The following FHOD3 variants were observed in gnomAD, a reference collection of about 807,000 sequenced individuals.
The protein encoded by FHOD3 is formin homology 2 domain containing 3.
A neutral mutation model predicts 173.0 loss-of-function variants in FHOD3; 90 were observed. The ratio of observed to expected loss-of-function variants is 0.52; its 90% CI spans 0.44 to 0.62. The LOEUF is 0.62. Ranked by LOEUF, FHOD3 falls within the 20% of genes least tolerant of loss-of-function variation. The pLI is 0.00. For synonymous variants in FHOD3, 828 were observed against 823.0 expected, an observed-to-expected ratio of 1.01 and a Z score of -0.10; for missense variants, 1,945 against 2,034.7, an observed-to-expected ratio of 0.96 and a Z score of 0.85.
chr18:36,605,336 A>G (rs1051190807), intron 8 of FHOD3, among the ~76,000 whole-genome samples: 1 of 152,148 alleles, frequency 6.6e-6, no homozygotes, highest in Non-Finnish European at 1.5e-5. Context: ...AGCAGTACCC[A>G]CACAATGTGG....
chr18:36,744,097 G>A lies in FHOD3; in HGVS notation c.3945G>A (p.Gln1315=), dbSNP rs370927305. The A allele has an allele frequency of 1.1e-5, 17 of 1,614,116 alleles. No individual in the cohort carries two copies. The highest frequency in any genetic ancestry group is 5.0e-5 in the Admixed American group (3 of 60,012). Residue 1315 remains glutamine, a synonymous_variant, in exon 23 of 29, where the codon CAG becomes CAA. Transcript: ENST00000590592. ...AAGTCAAAGACACAGTGCACAAGCA[G>A]TCGCTTCTCCACCATGTGTGCACCA... ...VPEVKDTVHK[Q]SLLHHVCTMV...
At chr18:36,503,269 G>A (rs914867476) in intron 4 of FHOD3, among the ~76,000 whole-genome samples, 2 of 152,130 alleles carry the variant, frequency 1.3e-5, no homozygotes, top group African/African-American at 4.8e-5. Flanking sequence ...GTCTGTCTAG[G>A]TTCATTATTT....
At chr18:36,700,958 C>G (rs973920623) in intron 17 of FHOD3, among the ~76,000 whole-genome samples, 2 of 152,228 alleles carry the variant, frequency 1.3e-5, no homozygotes, top group African/African-American at 4.8e-5. Context: ...TCTTGTGTTT[C>G]CCTTGCATCT....
chr18:36,680,740 T>A (rs905845274), intron 14 of FHOD3, among the ~76,000 whole-genome samples: 1 of 152,246 alleles, frequency 6.6e-6, no homozygotes, highest in Non-Finnish European at 1.5e-5. Context: ...CTTCTTGACA[T>A]AGAATGTCAT....
intron 1 of FHOD3, among the ~76,000 whole-genome samples, chr18:36,304,416 A>G (rs949206021): frequency 1.3e-5 from 2 of 152,204 alleles, no homozygotes; most frequent in African/African-American, 4.8e-5. Context: ...ACTTGTGCAT[A>G]TACTGAAATA....
chr18:36,474,599 A>G (rs1248543243), intron 3 of FHOD3, among the ~76,000 whole-genome samples: 1 of 152,158 alleles, frequency 6.6e-6, no homozygotes, highest in Non-Finnish European at 1.5e-5. Context: ...GAAACTGGAA[A>G]GGTCCATATT....
At chr18:36,614,177 C>G (rs184136241) in intron 9 of FHOD3, among the ~76,000 whole-genome samples, 267 of 152,326 alleles carry the variant, frequency 1.8e-3, no homozygotes, top group African/African-American at 6.0e-3. Context: ...TTCCCTGTCC[C>G]CCATGGCCCC....
intron 5 of FHOD3, among the ~76,000 whole-genome samples, chr18:36,571,489 TTTG>T (rs901104827): frequency 4.6e-5 from 7 of 152,214 alleles, no homozygotes; most frequent in African/African-American, 1.4e-4. Flanking sequence ...CCAGAAAGAT[TTTG>T]TTGTTGTTGT....
chr18:36,754,801 G>A (rs1360321896), intron 24 of FHOD3, among the ~76,000 whole-genome samples: 12 of 151,430 alleles, frequency 7.9e-5, no homozygotes, highest in Admixed American at 7.9e-4. Flanking sequence ...TTAAAACACA[G>A]ATACGCAAAG....
intron 10 of FHOD3, among the ~76,000 whole-genome samples, chr18:36,639,413 CTG>C (rs1168545519): frequency 2.0e-5 from 3 of 152,148 alleles, no homozygotes; most frequent in African/African-American, 7.2e-5. Context: ...TGGCTCACCT[CTG>C]TAATCCCAGC....
chr18:36,692,195 T>C (rs561365885), intron 16 of FHOD3, among the ~76,000 whole-genome samples: 2 of 152,200 alleles, frequency 1.3e-5, no homozygotes, highest in Non-Finnish European at 2.9e-5. Flanking sequence ...TTTAAATGCA[T>C]TGTTTTAAAA....
In FHOD3 at chr18:36,681,603, T is replaced by C. The variant is rs779434946; in HGVS notation, c.1970+33T>C. 22 of 1,538,676 alleles carry C rather than the reference T, an allele frequency of 1.4e-5. No individual in the cohort carries two copies. The African/African-American group carries it at 3.6e-4, about 25-fold the overall frequency. The stretch of plus-strand genomic sequence containing the variant: ...GGATCTTAAGATTTTTTTTAAATAG[T>C]GAGTTAAAAATTAAAGGCATGTGAC... On this transcript the variant is annotated intron_variant, in intron 15 of 28. Coordinates refer to ENST00000590592, the MANE Select transcript of FHOD3 (RefSeq NM_001281740.3).
chr18:36,510,338 TC>T (rs1256749865), intron 4 of FHOD3, among the ~76,000 whole-genome samples: 2 of 152,236 alleles, frequency 1.3e-5, no homozygotes, highest in Non-Finnish European at 2.9e-5. Context: ...ATGTGTAAAA[TC>T]TAGCACATTG....
intron 3 of FHOD3, among the ~76,000 whole-genome samples, chr18:36,495,549 C>G (rs1281030055): frequency 6.6e-6 from 1 of 152,216 alleles, no homozygotes; most frequent in Non-Finnish European, 1.5e-5. Flanking sequence ...TCTACAGCCC[C>G]CTTCTGCACC....
chr18:36,737,933 C>T (rs2041720339), intron 20 of FHOD3, among the ~76,000 whole-genome samples: 1 of 152,198 alleles, frequency 6.6e-6, no homozygotes. Flanking sequence ...ATGACCACTG[C>T]AGTCAGGATT....
At chr18:36,515,688 C>G (rs879466328) in intron 5 of FHOD3, among the ~76,000 whole-genome samples, 5 of 152,182 alleles carry the variant, frequency 3.3e-5, no homozygotes, top group Non-Finnish European at 5.9e-5. Flanking sequence ...GAAGGTGAGG[C>G]CCTAGCTGCA....
intron 1 of FHOD3, among the ~76,000 whole-genome samples, chr18:36,353,021 A>G (rs573908087): frequency 1.3e-5 from 2 of 151,780 alleles, no homozygotes; most frequent in South Asian, 4.2e-4. Flanking sequence ...TTCTGCAGGA[A>G]CTCTTCCTGC....
At chr18:36,625,487 A>G in intron 9 of FHOD3, 24 bp from the exon 10 acceptor site, 3 of 1,392,240 alleles carry the variant, frequency 2.2e-6, no homozygotes, top group Non-Finnish European at 1.9e-6. Context: ...CTGACCTTGC[A>G]CTGGGCGTGC....
chr18:36,502,259 A>G (rs1488224864), intron 4 of FHOD3, among the ~76,000 whole-genome samples: 2 of 146,250 alleles, frequency 1.4e-5, no homozygotes, highest in Admixed American at 1.4e-4. Flanking sequence ...TTTTTTAACT[A>G]TTATTATACT....
Sources: gnomAD v4.1 joint callset for allele counts (sites outside exome capture counted in the v4.1 genomes callset) on GRCh38, gnomAD v4.1.1 for gene constraint, MANE v1.5 for transcripts, NCBI Gene and HGNC (gene_info 2026-07-23, HGNC 2026-07-21) for gene names.